SPIB: variants seen among roughly 807,000 people sequenced by gnomAD.
SPIB encodes the protein transcription factor Spi-B.
SPIB carries 7 observed loss-of-function variants against 31.9 expected under a neutral mutation model. That is an observed-to-expected ratio of 0.22 (90% CI 0.12 to 0.41). The LOEUF is 0.41. Among genes scored for constraint, SPIB ranks in the 10% least tolerant of loss-of-function variants. SPIB has a pLI of 1.00. For missense variants in SPIB, 327 were observed against 360.2 expected (o/e 0.91, Z 0.75); for synonymous variants, 176 against 158.9 (o/e 1.11, Z -0.81).
At chr19:50,425,377 A>G (rs1446281774) in intron 5 of SPIB, among the ~76,000 whole-genome samples, 1 of 152,202 alleles carries the variant, frequency 6.6e-6, no homozygotes, top group Non-Finnish European at 1.5e-5. Flanking sequence ...AACTTAGGAC[A>G]TTTAAGATGG....
At chr19:50,424,041 GT>G (rs1166797242) in intron 5 of SPIB, among the ~76,000 whole-genome samples, 1 of 152,136 alleles carries the variant, frequency 6.6e-6, no homozygotes, top group Non-Finnish European at 1.5e-5. Context: ...CAGGCACAGA[GT>G]GAGCACTTCA....
chr19:50,423,219 A>G (rs1181781227), intron 4 of SPIB, 182 bp downstream of exon 4: 17 of 462,758 alleles, frequency 3.7e-5, no homozygotes, highest in South Asian at 5.1e-5. Flanking sequence ...AAAAAAAAAA[A>G]AAAGAAAAAG....
intron 2 of SPIB, among the ~76,000 whole-genome samples, chr19:50,421,524 T>A (rs1455651808): frequency 2.6e-5 from 4 of 152,080 alleles, no homozygotes; most frequent in Middle Eastern, 3.4e-3. Context: ...GGTTTCACCA[T>A]GTTGGCCAGG....
rs958582202 is a variant in SPIB, at chr19:50,428,835, C to T, written c.*499C>T. ...AGATTTCCTAGTTATGTCTGGGGCC[C>T]TCTGGGAGCTGTTATCATCTCAGAT... On this transcript the variant is annotated 3_prime_UTR_variant, in exon 6 of 6. Coordinates refer to ENST00000595883, the MANE Select transcript of SPIB (RefSeq NM_003121.5). This position sits in a 1 kb window ranked among gnomAD's most constrained non-coding sequence, Gnocchi z 6.5. 6.3e-6 allele frequency: 1 copy of T among 157,964 alleles called. No homozygotes were observed. The highest frequency in any genetic ancestry group is 2.4e-5 in the African/African-American group (1 of 41,636). 9.8% of individuals were successfully genotyped at this position (157,964 alleles called of 1,614,324 possible). A position where few individuals can be genotyped will look rare whatever the true frequency, so the allele number is the denominator to read the frequency against.
chr19:50,423,980 G>A (rs2039534366), intron 5 of SPIB, among the ~76,000 whole-genome samples: 1 of 152,150 alleles, frequency 6.6e-6, no homozygotes, highest in African/African-American at 2.4e-5. Flanking sequence ...ACCCTCCTGA[G>A]GTCGTTGGGG....
Position 50,431,059 on chromosome 19 carries a change from T to C in SPIB, c.*2723T>C, listed in dbSNP as rs1370623448. The C allele has an allele frequency of 6.6e-6, 1 of 152,272 alleles. No individual in the cohort carries two copies. Among genetic ancestry groups the C allele is most frequent in the Admixed American group, 6.5e-5 (1 of 15,284 alleles). The allele number at this position is 152,272 out of a possible 1,614,324, so 9.4% of individuals were successfully genotyped here. ...GATGCATCGACGTAGACAAACCTCC[T>C]GGGACCTTTTGTCAGGGACTGCAAT... On this transcript the variant is annotated 3_prime_UTR_variant, in exon 6 of 6. Coordinates refer to ENST00000595883, the MANE Select transcript of SPIB (RefSeq NM_003121.5).
rs552569776 is a variant in SPIB at position 50,423,019 on chromosome 19, G to A, written c.321G>A (p.Thr107=). ...GGCCTGGCCTCCCTGCATACCCCAC[G>A]GAGAACTTCGCTAGCCAGGTGAGTG... ...APGPGLPAYP[T]ENFASQTLVP... is the part of the protein sequence containing the mutation. The change falls in exon 4 of 6, where the codon ACG becomes ACA. Residue 107 remains threonine (T), a synonymous_variant. Coordinates refer to ENST00000595883, the MANE Select transcript of SPIB (RefSeq NM_003121.5). The A allele has an allele frequency of 1.5e-5, 23 of 1,485,128 alleles. No homozygotes were observed. The highest frequency in any genetic ancestry group is 2.3e-5 in the East Asian group (1 of 43,240). The allele number at this position is 1,485,128 out of a possible 1,614,324, so 92.0% of individuals were successfully genotyped here. A position where few individuals can be genotyped will look rare whatever the true frequency, so the allele number is the denominator to read the frequency against.
intron 1 of SPIB, 111 bp downstream of exon 1, chr19:50,419,096 G>A (rs889831898): frequency 3.7e-6 from 5 of 1,335,328 alleles, no homozygotes; most frequent in Non-Finnish European, 5.2e-6. Context: ...GTGGGTGGGA[G>A]TGGAGGGGAG....
chr19:50,423,526 C>T, intron 4 of SPIB, 79 bp from the exon 5 acceptor site: 2 of 1,547,378 alleles, frequency 1.3e-6, no homozygotes, highest in South Asian at 1.2e-5. Context: ...GCCAGGAGGG[C>T]CACCGCCTTG....
chr19:50,427,960 A>G, intron 5 of SPIB, 78 bp from the exon 6 acceptor site: 1 of 1,397,702 alleles, frequency 7.2e-7, no homozygotes, highest in Non-Finnish European at 9.4e-7. Flanking sequence ...CCGGGGTGGA[A>G]GTCTCGGAGG....
At chr19:50,426,130 A>T (rs2039562841) in intron 5 of SPIB, among the ~76,000 whole-genome samples, 1 of 152,134 alleles carries the variant, frequency 6.6e-6, no homozygotes. Context: ...AATCGCTTGA[A>T]TCCAGGAGGC....
In SPIB at chr19:50,422,472, G is replaced by T. The variant is rs1400450077; in HGVS notation, c.52-1G>T. 6.2e-7 allele frequency: 1 copy of T among 1,613,810 alleles called. No homozygotes were observed. The highest frequency in any genetic ancestry group is 1.3e-5 in the African/African-American group (1 of 74,924). The stretch of plus-strand genomic sequence containing the variant: ...CTCTTCCCTCCTGCACCCCGTATCA[G>T]TACCCAGATGGCGTCTTCTATGACC... On this transcript the variant is annotated splice_acceptor_variant, in intron 2 of 5. Coordinates refer to ENST00000595883, the MANE Select transcript of SPIB (RefSeq NM_003121.5). LOFTEE classifies it high-confidence loss of function.
At position 50,422,499 on chromosome 19, in the gene SPIB, G is replaced by A. The variant is rs775746202; in HGVS notation, c.78G>A (p.Leu26=). 9 of 1,613,874 alleles carry A rather than the reference G, an allele frequency of 5.6e-6. No homozygotes were observed. The highest frequency in any genetic ancestry group is 6.8e-6 in the Non-Finnish European group (8 of 1,179,952). The change falls in exon 3 of 6, where the codon CTG becomes CTA. Residue 26 remains leucine, a synonymous_variant. Transcript: ENST00000595883. ...CLYPDGVFYD[L]DSCKHSSYPD... is the part of the protein sequence containing the mutation. Reference sequence around the variant, plus strand: ...ACCCAGATGGCGTCTTCTATGACCTGGACAGCTGCAAGCATTCCAGCTACC... The same window carrying A: ...ACCCAGATGGCGTCTTCTATGACCTAGACAGCTGCAAGCATTCCAGCTACC...
intron 5 of SPIB, 142 bp from the exon 6 acceptor site, chr19:50,427,896 G>C (rs1261232529): frequency 1.4e-6 from 1 of 733,532 alleles, no homozygotes; most frequent in Admixed American, 3.7e-5. Flanking sequence ...GCAGAGCCAG[G>C]TGTATGTAAC....
chr19:50,427,926 C>A, intron 5 of SPIB, 112 bp from the exon 6 acceptor site: 1 of 1,254,950 alleles, frequency 8.0e-7, no homozygotes, highest in Non-Finnish European at 1.1e-6. Flanking sequence ...CCTCACCCCA[C>A]TTTTCAGATC....
Position 50,428,680 on chromosome 19 carries a change from A to C in SPIB, c.*344A>C. 6.6e-6 allele frequency: 2 copies of C among 304,992 alleles called. No homozygotes were observed. Among genetic ancestry groups the C allele is most frequent in the Non-Finnish European group, 1.2e-5 (2 of 166,172 alleles). 18.9% of individuals were successfully genotyped at this position (304,992 alleles called of 1,614,324 possible). ...AGCTTCTCTGGGATTTTCTTGTGAT[A>C]TCTGATTCCCCAGTGAGGCCTGGGA... On this transcript the variant is annotated 3_prime_UTR_variant, in exon 6 of 6. Transcript: ENST00000595883. The surrounding 1 kb of genome is among the most constrained non-coding windows in gnomAD (Gnocchi z 6.5).
chr19:50,422,735 C>A, intron 3 of SPIB, 88 bp from the exon 4 acceptor site: 1 of 1,093,722 alleles, frequency 9.1e-7, no homozygotes, highest in Non-Finnish European at 1.4e-6. Flanking sequence ...TTTGCACAGC[C>A]TACAATGGCC....
chr19:50,423,637 C>T lies in SPIB; in HGVS notation c.372C>T (p.Pro124=). The T allele has an allele frequency of 6.2e-7, 1 of 1,614,094 alleles. No homozygotes were observed. Among genetic ancestry groups the T allele is most frequent in the Non-Finnish European group, 8.5e-7 (1 of 1,180,012 alleles). Residue 124 remains proline, a synonymous_variant, in exon 5 of 6, where the codon CCC becomes CCT. Transcript: ENST00000595883. ...TTCCCCCGGCATATGCCCCGTACCC[C>T]AGCCCTGTGCTATCAGAGGAGGAAG... ...TLVPPAYAPY[P]SPVLSEEEDL... is the part of the protein sequence containing the mutation.
intron 5 of SPIB, 53 bp downstream of exon 5, chr19:50,423,808 G>C: frequency 6.5e-7 from 1 of 1,548,486 alleles, no homozygotes; most frequent in Non-Finnish European, 8.8e-7. Context: ...TGGTGGGGGG[G>C]CTGAGAGCAC....
Sources: allele counts gnomAD v4.1 joint callset (sites outside exome capture counted in the v4.1 genomes callset), GRCh38; gene constraint gnomAD v4.1.1; non-coding constraint Gnocchi (gnomAD v3.1); transcripts MANE v1.5; gene names NCBI Gene and HGNC (gene_info 2026-07-23, HGNC 2026-07-21).